The following IL3RA variants were observed in gnomAD, a reference collection of about 807,000 sequenced individuals.
The protein encoded by IL3RA is interleukin-3 receptor subunit alpha.
In IL3RA, 73 loss-of-function variants were observed where a neutral mutation model predicts 52.3. That is an observed-to-expected ratio of 1.40 (90% CI 1.16 to 1.70). IL3RA has a LOEUF of 1.70. IL3RA is among the 40% of genes most tolerant of loss of function. The pLI, the probability that IL3RA is intolerant of heterozygous loss-of-function variation, is 0.00. For synonymous variants in IL3RA, 260 were observed against 194.0 expected (o/e 1.34, Z -2.83); for missense variants, 664 against 504.4 (o/e 1.32, Z -3.03).
Position 1,352,177 on chromosome X carries a change from G to C in IL3RA, c.376G>C (p.Val126Leu). Reference sequence around the variant, plus strand: ...GGATTTCTTGAGCTGCAGCTGGGCGGTAGGCCCGGGGGCCCCCGCGGACGT... The same window carrying C: ...GGATTTCTTGAGCTGCAGCTGGGCGCTAGGCCCGGGGGCCCCCGCGGACGT... Reference protein sequence around the residue: ...DVDFLSCSWAVGPGAPADVQY... With the variant: ...DVDFLSCSWALGPGAPADVQY... Residue 126 changes from valine to leucine, a missense_variant, in exon 5 of 12, where the codon GTA (valine) becomes CTA (leucine). Transcript: ENST00000331035. 1 of 1,613,794 alleles carries C rather than the reference G, an allele frequency of 6.2e-7. No homozygotes were observed. The highest frequency in any genetic ancestry group is 8.5e-7 in the Non-Finnish European group (1 of 1,179,820).
chrX:1,359,437 T>G (rs2086992532), intron 8 of IL3RA, among the ~76,000 whole-genome samples: 1 of 151,898 alleles, frequency 6.6e-6, no homozygotes, highest in African/African-American at 2.4e-5. Flanking sequence ...CCGTATCTCT[T>G]TCTCTGTCTC....
chrX:1,345,305 C>T lies in IL3RA; in HGVS notation c.65-11C>T. The T allele has an allele frequency of 1.3e-6, 2 of 1,590,162 alleles. No individual in the cohort carries two copies. Among genetic ancestry groups the T allele is most frequent in the Non-Finnish European group, 1.7e-6 (2 of 1,161,682 alleles). On this transcript the variant is annotated splice_polypyrimidine_tract_variant and intron_variant, in intron 2 of 11. Transcript: ENST00000331035. Reference sequence around the variant, plus strand: ...CGTATCTCTTCGAACTCCAACCTGTCACCGTTTTAGATCCAAACCCACCAA... The same window carrying T: ...CGTATCTCTTCGAACTCCAACCTGTTACCGTTTTAGATCCAAACCCACCAA...
intron 9 of IL3RA, among the ~76,000 whole-genome samples, chrX:1,377,521 G>T (rs1435845324): frequency 1.3e-5 from 2 of 152,140 alleles, no homozygotes; most frequent in Non-Finnish European, 2.9e-5. Flanking sequence ...GGGATTACAG[G>T]CGTGAGCCAC....
chrX:1,358,552 G>A (rs191677858), intron 7 of IL3RA, among the ~76,000 whole-genome samples: 7 of 152,236 alleles, frequency 4.6e-5, no homozygotes, highest in Non-Finnish European at 8.8e-5. Context: ...CCAGCTACTC[G>A]GGAGACTGAG....
At position 1,361,478 on chromosome X, in the gene IL3RA, G is replaced by A. The variant is rs749819092; in HGVS notation, c.759+2591G>A. Reference sequence around the variant, plus strand: ...AGACAGAATGAGACAGTCGCCGGGCGCAGTGACTCATGCCTGTAATCACAG... The same window carrying A: ...AGACAGAATGAGACAGTCGCCGGGCACAGTGACTCATGCCTGTAATCACAG... On this transcript the variant is annotated intron_variant, in intron 8 of 11. Transcript: ENST00000331035. Among the ~76,000 whole-genome samples, 78 of 152,268 alleles carry A rather than the reference G, an allele frequency of 5.1e-4. No individual in the cohort carries two copies. The South Asian group carries it at 6.0e-3, about 12-fold the overall frequency.
At chrX:1,358,735 C>A in intron 7 of IL3RA, 126 bp from the exon 8 acceptor site, 2 of 885,966 alleles carry the variant, frequency 2.3e-6, no homozygotes, top group South Asian at 1.5e-5. Flanking sequence ...CCACTGCTGC[C>A]CGAAGGCCTT....
At chrX:1,345,244 A>AAAC in intron 2 of IL3RA, 72 bp from the exon 3 acceptor site, 1 of 962,524 alleles carries the variant, frequency 1.0e-6, no homozygotes, top group Non-Finnish European at 1.6e-6. Flanking sequence ...AAAAAAAAAA[A>AAAC]ACCATACCCC....
intron 3 of IL3RA, 39 bp downstream of exon 3, chrX:1,345,473 A>G (rs17883769): frequency 0.066 from 86,695 of 1,314,298 alleles, 3,541 homozygotes; most frequent in Middle Eastern, 0.11. Context: ...TTTTTATTTT[A>G]TTTATTTATG....
rs777259374 is a variant in IL3RA at position 1,346,363 on chromosome X, C to T, written c.183+929C>T. On this transcript the variant is annotated intron_variant, in intron 3 of 11. Transcript: ENST00000331035. ...CTGAGGCAGGAGAATCGCTTGAACC[C>T]GGGAGGCAGAGGTTGCATTGAGCCG... Among the ~76,000 whole-genome samples the T allele has an allele frequency of 3.9e-3, 591 of 151,554 alleles. 6 individuals are homozygous for T. Among genetic ancestry groups the T allele is most frequent in the Non-Finnish European group, 5.1e-3 (344 of 67,904 alleles).
At chrX:1,344,176 G>C (rs1187941899) in intron 2 of IL3RA, among the ~76,000 whole-genome samples, 2 of 152,100 alleles carry the variant, frequency 1.3e-5, no homozygotes, top group Non-Finnish European at 2.9e-5. Flanking sequence ...ACTCACGTCT[G>C]TGATCCCAGC....
At position 1,378,457 on chromosome X, in the gene IL3RA, G is replaced by A. The variant is rs570646301; in HGVS notation, c.875-202G>A. Among the ~76,000 whole-genome samples, 28 of 149,794 alleles carry A rather than the reference G, an allele frequency of 1.9e-4. 1 individual carries two copies. The highest frequency in any genetic ancestry group is 5.9e-4 in the African/African-American group (23 of 39,224). ...GCTGGGAGGTCCGGAAGTCGCTCCC[G>A]GTCCTGGTACTCAGGTGGCCTGCAG... On this transcript the variant is annotated intron_variant, in intron 9 of 11. Coordinates refer to ENST00000331035, the MANE Select transcript of IL3RA (RefSeq NM_002183.4).
At position 1,382,532 on chromosome X, in the gene IL3RA, C is replaced by A. The variant is rs1370726129; in HGVS notation, c.*67C>A. 9.6e-5 allele frequency: 139 copies of A among 1,450,248 alleles called. No homozygotes were observed. The Admixed American group carries it at 2.3e-3, about 24-fold the overall frequency. The allele number at this position is 1,450,248 out of a possible 1,614,324, so 89.8% of individuals were successfully genotyped here. On this transcript the variant is annotated 3_prime_UTR_variant, in exon 12 of 12. Coordinates refer to ENST00000331035, the MANE Select transcript of IL3RA (RefSeq NM_002183.4). ...TGGCCGGGCCAGGCGCCTGCACAGA[C>A]TGGCTGCTGGACCTGCGCACGCAGC...
At chrX:1,359,320 C>T (rs1273949910) in intron 8 of IL3RA, among the ~76,000 whole-genome samples, 2 of 152,100 alleles carry the variant, frequency 1.3e-5, no homozygotes, top group African/African-American at 4.8e-5. Flanking sequence ...ACAGGTGGCC[C>T]AGACCTCAGA....
At chrX:1,381,733 G>A (rs1353143413) in intron 11 of IL3RA, among the ~76,000 whole-genome samples, 1 of 150,784 alleles carries the variant, frequency 6.6e-6, no homozygotes, top group East Asian at 2.0e-4. Context: ...TAGTAGAGAC[G>A]GGGTTTCACC....
intron 9 of IL3RA, among the ~76,000 whole-genome samples, chrX:1,367,692 G>C (rs763479184): frequency 9.0e-5 from 8 of 88,978 alleles, no homozygotes; most frequent in African/African-American, 2.5e-4. Context: ...CGGGGTGCGC[G>C]GGGTGAGCCG....
intron 8 of IL3RA, among the ~76,000 whole-genome samples, chrX:1,361,172 T>C (rs1333806095): frequency 7.8e-6 from 1 of 128,536 alleles, no homozygotes; most frequent in Non-Finnish European, 1.6e-5. Context: ...TCTGTCTCTC[T>C]CTCCCTTCCC....
At position 1,368,672 on chromosome X, in the gene IL3RA, A is replaced by G. The variant is rs185867496; in HGVS notation, c.874+3420A>G. Reference sequence around the variant, plus strand: ...GGGGTCCTTATAAGAAGAGGAGATGAGGACACAGACACACACAGAGGGACG... The same window carrying G: ...GGGGTCCTTATAAGAAGAGGAGATGGGGACACAGACACACACAGAGGGACG... On this transcript the variant is annotated intron_variant, in intron 9 of 11. Coordinates refer to ENST00000331035, the MANE Select transcript of IL3RA (RefSeq NM_002183.4). Among the ~76,000 whole-genome samples, 555 of 152,228 alleles carry G rather than the reference A, an allele frequency of 3.6e-3. 1 individual carries two copies. The highest frequency in any genetic ancestry group is 0.012 in the African/African-American group (509 of 41,530).
chrX:1,361,798 T>TCCCTTA (rs1569525100), intron 8 of IL3RA, among the ~76,000 whole-genome samples: 2 of 149,080 alleles, frequency 1.3e-5, no homozygotes, highest in Admixed American at 1.3e-4. Flanking sequence ...GAGAAAGGTT[T>TCCCTTA]CCCTTATTAA....
At chrX:1,381,187 C>A in intron 11 of IL3RA, 83 bp downstream of exon 11, 1 of 1,215,726 alleles carries the variant, frequency 8.2e-7, no homozygotes, top group Non-Finnish European at 1.2e-6. Flanking sequence ...CCACTTGAGG[C>A]CAGGAACTGG....
Sources: gnomAD v4.1 joint callset for allele counts (sites outside exome capture counted in the v4.1 genomes callset) on GRCh38, gnomAD v4.1.1 for gene constraint, MANE v1.5 for transcripts, NCBI Gene and HGNC (gene_info 2026-07-23, HGNC 2026-07-21) for gene names.